EXT1: variants seen among roughly 807,000 people sequenced by gnomAD.
EXT1 encodes exostosin glycosyltransferase 1.
In EXT1, 20 loss-of-function variants were observed where a neutral mutation model predicts 82.5. The observed-to-expected ratio is 0.24, with a 90% CI of 0.17 to 0.35. EXT1 has a LOEUF of 0.35. EXT1 is among the 10% of genes least tolerant of loss of function. EXT1 has a pLI of 1.00. For synonymous variants in EXT1, 348 were observed against 350.8 expected, an observed-to-expected ratio of 0.99 and a Z score of 0.09; for missense variants, 757 against 936.5, an observed-to-expected ratio of 0.81 and a Z score of 2.50.
chr8:117,934,390 TAGAG>T (rs1475033629), intron 1 of EXT1, among the ~76,000 whole-genome samples: 1 of 152,066 alleles, frequency 6.6e-6, no homozygotes, highest in Admixed American at 6.5e-5. Flanking sequence ...GCGCCTCTGG[TAGAG>T]AGAGAGGGTT....
intron 1 of EXT1, among the ~76,000 whole-genome samples, chr8:117,874,996 T>C (rs1287062452): frequency 2.6e-5 from 4 of 152,156 alleles, no homozygotes; most frequent in East Asian, 3.9e-4. Flanking sequence ...AGGAACAAAG[T>C]ATTGTTATGT....
intron 7 of EXT1, among the ~76,000 whole-genome samples, chr8:117,817,082 T>C (rs1811835400): frequency 6.6e-6 from 1 of 152,158 alleles, no homozygotes; most frequent in Non-Finnish European, 1.5e-5. Flanking sequence ...ACATCCACCT[T>C]TTCTCATTAA....
intron 7 of EXT1, 91 bp downstream of exon 7, chr8:117,818,344 G>T: frequency 1.0e-6 from 1 of 954,198 alleles, no homozygotes; most frequent in South Asian, 1.3e-5. Context: ...CAGGAACAGG[G>T]AGAAGATATC....
intron 1 of EXT1, among the ~76,000 whole-genome samples, chr8:117,969,317 G>A (rs1201978016): frequency 3.3e-5 from 5 of 152,118 alleles, no homozygotes; most frequent in African/African-American, 1.2e-4. Flanking sequence ...ATTTCTTAAC[G>A]GAATTGAACA....
intron 1 of EXT1, among the ~76,000 whole-genome samples, chr8:118,062,191 C>A (rs569317181): frequency 6.6e-6 from 1 of 152,190 alleles, no homozygotes; most frequent in African/African-American, 2.4e-5. Context: ...AGTCCTTCCC[C>A]GTTGACACAA....
intron 1 of EXT1, among the ~76,000 whole-genome samples, chr8:118,029,194 C>T (rs1438101542): frequency 6.6e-6 from 1 of 152,014 alleles, no homozygotes; most frequent in African/African-American, 2.4e-5. Context: ...TTTGGGAGGC[C>T]GTGGCGGGAG....
chr8:117,968,662 C>A (rs1156694873), intron 1 of EXT1, among the ~76,000 whole-genome samples: 1 of 98,698 alleles, frequency 1.0e-5, no homozygotes, highest in Non-Finnish European at 1.8e-5. Flanking sequence ...CTCCACCTCC[C>A]GGGTTCACGC....
chr8:117,884,856 C>T (rs747955698), intron 1 of EXT1, among the ~76,000 whole-genome samples: 5 of 152,216 alleles, frequency 3.3e-5, no homozygotes, highest in Non-Finnish European at 5.9e-5. Context: ...CTCCAGCTTT[C>T]TGTAGCAGCA....
chr8:118,064,540 G>C (rs931981077), intron 1 of EXT1, among the ~76,000 whole-genome samples: 1 of 152,280 alleles, frequency 6.6e-6, no homozygotes, highest in African/African-American at 2.4e-5. Context: ...AGTATTCCAT[G>C]GTATATATGT....
rs972840156 is a variant in EXT1, at chr8:117,965,995, C to T, written c.963-128794G>A. 3.5e-4 allele frequency among the ~76,000 whole-genome samples: 49 copies of T among 141,598 alleles called. 1 individual carries two copies. The highest frequency in any genetic ancestry group is 2.5e-3 in the East Asian group (13 of 5,154). The allele number at this position is 141,598 out of a possible 152,430, so 92.9% of individuals were successfully genotyped here. A position where few individuals can be genotyped will look rare whatever the true frequency, so the allele number is the denominator to read the frequency against. ...ATAAATAAACACATACATGCATATA[C>T]ACACACACACACACACATATATACA... On this transcript the variant is annotated intron_variant, in intron 1 of 10. Coordinates refer to ENST00000378204, the MANE Select transcript of EXT1 (RefSeq NM_000127.3).
At chr8:118,102,535 T>C (rs1216869620) in intron 1 of EXT1, among the ~76,000 whole-genome samples, 1 of 152,190 alleles carries the variant, frequency 6.6e-6, no homozygotes, top group Non-Finnish European at 1.5e-5. Context: ...TTTGCTGAAG[T>C]AGCCCCAGCT....
At chr8:117,882,371 T>A (rs899566296) in intron 1 of EXT1, among the ~76,000 whole-genome samples, 1 of 152,014 alleles carries the variant, frequency 6.6e-6, no homozygotes, top group African/African-American at 2.4e-5. Context: ...TCGTGAGCCA[T>A]CACGTCCAGC....
At chr8:118,108,563 C>T (rs1188530176) in intron 1 of EXT1, among the ~76,000 whole-genome samples, 1 of 152,232 alleles carries the variant, frequency 6.6e-6, no homozygotes, top group Non-Finnish European at 1.5e-5. Flanking sequence ...TACATAACTG[C>T]CCCTGGATGA....
chr8:117,989,882 A>G (rs1275731600), intron 1 of EXT1, among the ~76,000 whole-genome samples: 1 of 152,246 alleles, frequency 6.6e-6, no homozygotes, highest in Admixed American at 6.5e-5. Context: ...GAAAATGGGA[A>G]AAAGCAAATG....
intron 1 of EXT1, among the ~76,000 whole-genome samples, chr8:117,975,601 C>T (rs1815046773): frequency 6.6e-6 from 1 of 152,042 alleles, no homozygotes; most frequent in African/African-American, 2.4e-5. Context: ...TCATCACCAC[C>T]CCCCACTCCC....
chr8:117,807,094 A>G, intron 9 of EXT1, 123 bp downstream of exon 9: 1 of 1,182,048 alleles, frequency 8.5e-7, no homozygotes, highest in South Asian at 1.2e-5. Context: ...GCAAAACTTA[A>G]GCGGGGATAC....
rs17474448 is a variant in EXT1 at position 117,820,074 on chromosome 8, T to C, written c.1418-280A>G. Among the ~76,000 whole-genome samples the C allele has an allele frequency of 7.5e-3, 1,147 of 152,300 alleles. 12 individuals are homozygous for C. The highest frequency in any genetic ancestry group is 0.025 in the African/African-American group (1,035 of 41,574). ...TTGGTGATGTTTCTGTGATGTCCCTTTGGCTTTTTAGGTACCCAGTGTCCA... is the reference window on the plus strand; with the variant it reads ...TTGGTGATGTTTCTGTGATGTCCCTCTGGCTTTTTAGGTACCCAGTGTCCA... On this transcript the variant is annotated intron_variant, in intron 5 of 10. Coordinates refer to ENST00000378204, the MANE Select transcript of EXT1 (RefSeq NM_000127.3).
intron 1 of EXT1, among the ~76,000 whole-genome samples, chr8:117,852,555 T>C (rs927708961): frequency 6.6e-6 from 1 of 152,200 alleles, no homozygotes; most frequent in South Asian, 2.1e-4. Flanking sequence ...TAAGACTTTA[T>C]ATGACTCTTA....
At chr8:117,885,219 G>C (rs1813125661) in intron 1 of EXT1, among the ~76,000 whole-genome samples, 1 of 152,184 alleles carries the variant, frequency 6.6e-6, no homozygotes, top group Admixed American at 6.5e-5. Flanking sequence ...AGGTACTAAA[G>C]AATAAAGCAA....
Sources: gnomAD v4.1 joint callset for allele counts (sites outside exome capture counted in the v4.1 genomes callset) on GRCh38, gnomAD v4.1.1 for gene constraint, MANE v1.5 for transcripts, NCBI Gene and HGNC (gene_info 2026-07-23, HGNC 2026-07-21) for gene names.